The following WDR4 variants were observed in gnomAD, a reference collection of about 807,000 sequenced individuals.
WDR4 encodes the protein WDR4 tRNA N7-guanosine methyltransferase non-catalytic subunit.
Under a neutral mutation model 48.6 loss-of-function variants are expected in WDR4, and 47 were observed. That is an observed-to-expected ratio of 0.97 (90% confidence interval 0.77 to 1.23). The LOEUF (loss-of-function observed/expected upper bound fraction) is 1.23. Among genes scored for constraint, WDR4 ranks in the 50% most tolerant of loss-of-function variants. The pLI, the probability that WDR4 is intolerant of heterozygous loss-of-function variation, is 0.00. For missense variants in WDR4, 606 were observed against 551.6 expected (o/e 1.10, Z -0.99); for synonymous variants, 268 against 230.0 (o/e 1.17, Z -1.49).
intron 8 of WDR4, 65 bp from the exon 9 acceptor site, chr21:42,853,817 A>AGCACCCCAGACGGTGCAGCCC: frequency 6.7e-7 from 1 of 1,486,884 alleles, no homozygotes; most frequent in Non-Finnish European, 9.0e-7. Flanking sequence ...CTCTGCAGCC[A>AGCACCCCAGACGGTGCAGCCC]GCACCCCAGA....
intron 3 of WDR4, among the ~76,000 whole-genome samples, chr21:42,870,276 G>C (rs554788953): frequency 6.6e-6 from 1 of 151,980 alleles, no homozygotes; most frequent in Non-Finnish European, 1.5e-5. Context: ...GCTTGAACCC[G>C]GGAGGTGGAG....
upstream of WDR4, among the ~76,000 whole-genome samples, chr21:42,882,782 G>A (rs1396887564): frequency 6.6e-6 from 1 of 151,990 alleles, no homozygotes; most frequent in Admixed American, 6.6e-5. Context: ...GGCCAACATG[G>A]GGAAACCCCA....
chr21:42,863,063 C>T (rs367593671), intron 4 of WDR4, among the ~76,000 whole-genome samples: 63 of 152,262 alleles, frequency 4.1e-4, no homozygotes, highest in African/African-American at 1.5e-3. Flanking sequence ...CCTGCTCCTC[C>T]CACACCTTCA....
chr21:42,882,824 C>T (rs374401071), upstream of WDR4, among the ~76,000 whole-genome samples: 104 of 151,952 alleles, frequency 6.8e-4, no homozygotes, highest in Non-Finnish European at 1.2e-3. Context: ...TCAGGCTGGG[C>T]GCAGTGGCTA....
rs2839589 is a variant in WDR4, at chr21:42,854,117, G to C, written c.792-365C>G. Among the ~76,000 whole-genome samples, 5 of 152,130 alleles carry C rather than the reference G, an allele frequency of 3.3e-5. No homozygotes were observed. The East Asian group carries it at 5.8e-4, about 18-fold the overall frequency. On this transcript the variant is annotated intron_variant, in intron 8 of 10. Transcript: ENST00000398208. ...TCATAAGGACAAGATGAAAAGTGCC[G>C]AAAGCACCAAATAGAATACCTTTCC... is the stretch of plus-strand genomic sequence containing the variant.
chr21:42,864,124 A>G (rs1466822450), intron 3 of WDR4, among the ~76,000 whole-genome samples: 5 of 147,196 alleles, frequency 3.4e-5, no homozygotes, highest in African/African-American at 7.7e-5. Context: ...AAAAAAAAAA[A>G]AAAAAAGAAA....
At chr21:42,867,393 C>CAAA (rs1209418380) in intron 3 of WDR4, among the ~76,000 whole-genome samples, 4 of 133,438 alleles carry the variant, frequency 3.0e-5, no homozygotes, top group Admixed American at 8.3e-5. Context: ...TCCGCTCCAC[C>CAAA]AAAAAAAAAA....
intron 9 of WDR4, 49 bp downstream of exon 9, chr21:42,853,520 G>A (rs1181021762): frequency 6.4e-7 from 1 of 1,567,922 alleles, no homozygotes; most frequent in Non-Finnish European, 8.7e-7. Flanking sequence ...ACACCCCCAG[G>A]CTTATGGAAA....
In WDR4 at chr21:42,876,702, C is replaced by T; in HGVS notation, c.155G>A (p.Gly52Glu). The T allele has an allele frequency of 2.5e-6, 4 of 1,613,574 alleles. No homozygotes were observed. Among genetic ancestry groups the T allele is most frequent in the Non-Finnish European group, 3.4e-6 (4 of 1,179,766 alleles). ...CTGAAAAAGCTTCCCCACATCTCAC[C>T]CTTTATTTTCTTGTGACTTCTTTTC... ...AAEKKSQENK[G>E]EDAPLDQGSG... The change falls in exon 2 of 11, where the codon GGG becomes GAG. Residue 52 changes from glycine to glutamate, a missense_variant and splice_region_variant. By Grantham distance (98) the Gly-to-Glu change is moderately conservative. Transcript: ENST00000398208.
intron 5 of WDR4, 114 bp from the exon 6 acceptor site, chr21:42,859,836 CT>C (rs963956524): frequency 1.8e-6 from 2 of 1,095,748 alleles, no homozygotes; most frequent in Non-Finnish European, 1.3e-6. Context: ...CCTAAACCCC[CT>C]GATCCAATAA....
At chr21:42,878,837 T>C (rs551687466) in intron 1 of WDR4, among the ~76,000 whole-genome samples, 45 of 152,116 alleles carry the variant, frequency 3.0e-4, no homozygotes, top group African/African-American at 1.1e-3. Context: ...CACCCTTGGG[T>C]TGGGTAAGTG....
intron 3 of WDR4, among the ~76,000 whole-genome samples, chr21:42,866,835 A>G (rs559980344): frequency 6.6e-5 from 10 of 152,294 alleles, no homozygotes; most frequent in African/African-American, 2.4e-4. Flanking sequence ...AGGAATTTTA[A>G]AAAGATTATT....
At chr21:42,848,920 C>T (rs1366723924), downstream of WDR4, among the ~76,000 whole-genome samples, 1 of 110,834 alleles carries the variant, frequency 9.0e-6, no homozygotes, top group Non-Finnish European at 1.8e-5. Context: ...CACACGATCA[C>T]GCGGCGCGCA....
At position 42,862,218 on chromosome 21, in the gene WDR4, C is replaced by T. The variant is rs2058133121; in HGVS notation, c.566+64G>A. ...CCAGCTACAACGGCACCTGCTGAGCCGCAAGCTGACGCTGTTTTCAAACAG... is the reference window on the plus strand; with the variant it reads ...CCAGCTACAACGGCACCTGCTGAGCTGCAAGCTGACGCTGTTTTCAAACAG... On this transcript the variant is annotated intron_variant, in intron 5 of 10. Transcript: ENST00000398208. This position sits in a 1 kb window ranked among gnomAD's most constrained non-coding sequence, Gnocchi z 4.3. 6.2e-6 allele frequency: 9 copies of T among 1,452,502 alleles called. No homozygotes were observed. Among genetic ancestry groups the T allele is most frequent in the South Asian group, 1.2e-5 (1 of 81,288 alleles). The allele number at this position is 1,452,502 out of a possible 1,614,324, so 90.0% of individuals were successfully genotyped here.
downstream of WDR4, among the ~76,000 whole-genome samples, chr21:42,848,296 GGCGCACACCTCACTCACATGCA>G (rs1315301597): frequency 4.0e-5 from 6 of 151,872 alleles, no homozygotes; most frequent in East Asian, 1.9e-4. Context: ...CAAATCACGC[GGCGCACACCTCACTCACATGCA>G]GCGCACGGTC....
chr21:42,889,765 C>T, the WDR4 span, among the ~76,000 whole-genome samples: 1 of 152,022 alleles, frequency 6.6e-6, no homozygotes, highest in African/African-American at 2.4e-5. Flanking sequence ...CTTTTTAATT[C>T]GAGAAGGAGT....
At chr21:42,884,445 G>A (rs951180871), upstream of WDR4, among the ~76,000 whole-genome samples, 4 of 151,924 alleles carry the variant, frequency 2.6e-5, no homozygotes, top group East Asian at 5.8e-4. Context: ...TCAGGAGTTC[G>A]AAATCAGCCT....
At chr21:42,853,111 C>T (rs981183137) in intron 9 of WDR4, among the ~76,000 whole-genome samples, 14 of 152,124 alleles carry the variant, frequency 9.2e-5, no homozygotes, top group African/African-American at 2.9e-4. Context: ...CCGCCCTCGC[C>T]CAGAGACCCC....
chr21:42,863,544 C>A lies in WDR4; in HGVS notation c.349G>T (p.Val117Phe), dbSNP rs777549752. ...ALTFIASEEK[V>F]LVADKSGDVY... ...TCTCCAGACTTGTCGGCCACCAAGA[C>A]CTTCTCCTCCGAGGCTATGAAAGTC... Residue 117 changes from valine (V) to phenylalanine (F), a missense_variant, in exon 4 of 11, where the codon GTC becomes TTC. Coordinates refer to ENST00000398208, the MANE Select transcript of WDR4 (RefSeq NM_018669.6). 8.1e-6 allele frequency: 13 copies of A among 1,613,948 alleles called. No individual in the cohort carries two copies. Among genetic ancestry groups the A allele is most frequent in the Non-Finnish European group, 5.9e-6 (7 of 1,180,008 alleles).
Sources: gnomAD v4.1 joint callset for allele counts (sites outside exome capture counted in the v4.1 genomes callset) on GRCh38, gnomAD v4.1.1 for gene constraint, Gnocchi (gnomAD v3.1) non-coding constraint, MANE v1.5 for transcripts, NCBI Gene and HGNC (gene_info 2026-07-23, HGNC 2026-07-21) for gene names.